ARIH1: variants seen among roughly 807,000 people sequenced by gnomAD.
ARIH1 encodes E3 ubiquitin-protein ligase ARIH1.
Under a neutral mutation model 85.0 loss-of-function variants are expected in ARIH1, and 8 were observed. The ratio of observed to expected loss-of-function variants is 0.09; its 90% CI spans 0.06 to 0.17. ARIH1 has a LOEUF of 0.17. Among genes scored for constraint, ARIH1 ranks in the 10% least tolerant of loss-of-function variants. The pLI, the probability that ARIH1 is intolerant of heterozygous loss-of-function variation, is 1.00. For synonymous variants in ARIH1, 238 were observed against 253.6 expected (o/e 0.94, Z 0.59); for missense variants, 311 against 718.1 (o/e 0.43, Z 6.48).
intron 2 of ARIH1, among the ~76,000 whole-genome samples, chr15:72,540,702 T>C (rs2064103313): frequency 6.6e-6 from 1 of 152,130 alleles, no homozygotes; most frequent in African/African-American, 2.4e-5. Context: ...TGTGCACGTA[T>C]AGTCCCACCT....
Position 72,600,162 on chromosome 15 carries a change from GT to G in ARIH1, c.*16871del, listed in dbSNP as rs775157020. On this transcript the variant is annotated 3_prime_UTR_variant, in exon 14 of 14. Transcript: ENST00000379887. ...CTCCTTGTTTATACATATATTGGGG[GT>G]GTTGAAAAGTTACCGATGCCTGATT... 7.2e-5 allele frequency: 11 copies of G among 152,148 alleles called. No homozygotes were observed. Among genetic ancestry groups the G allele is most frequent in the Non-Finnish European group, 1.6e-4 (11 of 68,032 alleles). 9.4% of individuals were successfully genotyped at this position (152,148 alleles called of 1,614,324 possible).
intron 2 of ARIH1, among the ~76,000 whole-genome samples, chr15:72,533,153 G>A (rs1567348993): frequency 6.6e-6 from 1 of 152,050 alleles, no homozygotes; most frequent in Non-Finnish European, 1.5e-5. Flanking sequence ...TTTTGAGATG[G>A]GGTCTTGCTC....
At chr15:72,575,699 G>A (rs1266008159) in intron 11 of ARIH1, among the ~76,000 whole-genome samples, 1 of 152,096 alleles carries the variant, frequency 6.6e-6, no homozygotes, top group South Asian at 2.1e-4. Context: ...TGGTAAGGGA[G>A]GGTTTTCATT....
rs2064365357 is a variant in ARIH1 at position 72,596,858 on chromosome 15, AT to A, written c.*13569del. The A allele has an allele frequency of 6.6e-6, 1 of 151,938 alleles. No homozygotes were observed. Among genetic ancestry groups the A allele is most frequent in the African/African-American group, 2.4e-5 (1 of 41,378 alleles). 9.4% of individuals were successfully genotyped at this position (151,938 alleles called of 1,614,324 possible). A position where few individuals can be genotyped will look rare whatever the true frequency, so the allele number is the denominator to read the frequency against. ...TGTATAGTTACAATTTTCTGCTGAA[AT>A]TTCCTATTTCTTCATGCATGTTTTC... On this transcript the variant is annotated 3_prime_UTR_variant, in exon 14 of 14. Coordinates refer to ENST00000379887, the MANE Select transcript of ARIH1 (RefSeq NM_005744.5).
chr15:72,572,380 GGT>G, intron 11 of ARIH1: 17 of 391,538 alleles, frequency 4.3e-5, no homozygotes, highest in South Asian at 7.8e-5. Context: ...TGGGATTACA[GGT>G]GCGCGCCACC....
At chr15:72,527,890 A>G (rs2064037575) in intron 2 of ARIH1, among the ~76,000 whole-genome samples, 1 of 152,216 alleles carries the variant, frequency 6.6e-6, no homozygotes, top group Admixed American at 6.5e-5. Context: ...ATTCCTACAC[A>G]TAACGCAGTT....
chr15:72,476,248 T>A (rs1475816802), intron 1 of ARIH1, among the ~76,000 whole-genome samples: 1 of 152,232 alleles, frequency 6.6e-6, no homozygotes, highest in Admixed American at 6.5e-5. Context: ...ACTGTTTCAA[T>A]ACAGTGTTTT....
chr15:72,508,153 CAG>C (rs2063934326), intron 1 of ARIH1, among the ~76,000 whole-genome samples: 1 of 152,140 alleles, frequency 6.6e-6, no homozygotes, highest in Admixed American at 6.5e-5. Flanking sequence ...CCAGAATGGA[CAG>C]GGGTGGGTGG....
At chr15:72,530,535 T>G (rs10438370) in intron 2 of ARIH1, among the ~76,000 whole-genome samples, 118,325 of 152,190 alleles carry the variant, frequency 0.78, 51,881 homozygotes, top group Non-Finnish European at 0.96. Context: ...CCCCCGTATA[T>G]AACAGAAACA....
At chr15:72,537,622 C>T (rs1277810585) in intron 2 of ARIH1, among the ~76,000 whole-genome samples, 1 of 151,970 alleles carries the variant, frequency 6.6e-6, no homozygotes. Context: ...TTAAGATATT[C>T]CTTTGCTCCT....
At chr15:72,540,732 G>A (rs908431170) in intron 2 of ARIH1, among the ~76,000 whole-genome samples, 8 of 152,150 alleles carry the variant, frequency 5.3e-5, no homozygotes, top group East Asian at 1.9e-4. Flanking sequence ...AAGGTGAGGC[G>A]AGAGGATCTC....
rs1316437223 is a variant in ARIH1, at chr15:72,594,808, C to A, written c.*11516C>A. 9.8e-5 allele frequency: 4 copies of A among 41,012 alleles called. No individual in the cohort carries two copies. Among genetic ancestry groups the A allele is most frequent in the Admixed American group, 2.9e-4 (1 of 3,446 alleles). 2.5% of individuals were successfully genotyped at this position (41,012 alleles called of 1,614,324 possible). Reference sequence around the variant, plus strand: ...TTCTTTTTCTGATTTTATGCCTTTTCTTCTTTTTTTTTTTTTTTTTTTTTT... The same window carrying A: ...TTCTTTTTCTGATTTTATGCCTTTTATTCTTTTTTTTTTTTTTTTTTTTTT... On this transcript the variant is annotated 3_prime_UTR_variant, in exon 14 of 14. Transcript: ENST00000379887.
chr15:72,494,053 C>T (rs75297950), intron 1 of ARIH1, among the ~76,000 whole-genome samples: 5,275 of 152,220 alleles, frequency 0.035, 165 homozygotes, highest in Admixed American at 0.081. Flanking sequence ...CTTCCCTAAC[C>T]TGATTTTTAT....
chr15:72,541,188 A>AT lies in ARIH1; in HGVS notation c.444-3628dup, dbSNP rs1302309099. ...TGAGCTACAGCTGTGAGGGTTTAGC[A>AT]TTTTCTTTGAAACATATGGCTAGTT... is the stretch of plus-strand genomic sequence containing the variant. On this transcript the variant is annotated intron_variant, in intron 2 of 13. Coordinates refer to ENST00000379887, the MANE Select transcript of ARIH1 (RefSeq NM_005744.5). 2.6e-5 allele frequency among the ~76,000 whole-genome samples: 4 copies of AT among 152,166 alleles called. 1 individual carries two copies. The highest frequency in any genetic ancestry group is 4.8e-5 in the African/African-American group (2 of 41,442).
chr15:72,475,139 T>G, intron 1 of ARIH1, 125 bp downstream of exon 1: 1 of 1,433,238 alleles, frequency 7.0e-7, no homozygotes, highest in Non-Finnish European at 9.2e-7. Flanking sequence ...CCCGGCCTTG[T>G]CTTCTCCGCT....
chr15:72,512,376 C>CT (rs1276048846), intron 1 of ARIH1, among the ~76,000 whole-genome samples: 2 of 151,950 alleles, frequency 1.3e-5, no homozygotes, highest in Non-Finnish European at 2.9e-5. Context: ...TAATTTGTGT[C>CT]TTTAAGAAGT....
chr15:72,525,693 C>T lies in ARIH1; in HGVS notation c.443+7559C>T, dbSNP rs2064024481. ...GAGAAGTGAAAAAAACCCACAGTGC[C>T]CAGTCCCTTTCCATTACTTCTTCCT... On this transcript the variant is annotated intron_variant, in intron 2 of 13. Transcript: ENST00000379887. Among the ~76,000 whole-genome samples, 4 of 152,170 alleles carry T rather than the reference C, an allele frequency of 2.6e-5. No individual in the cohort carries two copies. In the South Asian group the frequency reaches 8.3e-4, roughly 31 times the overall value.
At chr15:72,517,336 C>T (rs2063979630) in intron 1 of ARIH1, among the ~76,000 whole-genome samples, 1 of 152,154 alleles carries the variant, frequency 6.6e-6, no homozygotes, top group Admixed American at 6.5e-5. Context: ...ACTCTGGGGC[C>T]TGAGATCCTC....
chr15:72,528,501 A>G (rs2064040051), intron 2 of ARIH1, among the ~76,000 whole-genome samples: 2 of 152,164 alleles, frequency 1.3e-5, no homozygotes, highest in Non-Finnish European at 2.9e-5. Flanking sequence ...TTTTTCAGAA[A>G]CCTTGCCTTT....
Sources: gnomAD v4.1 joint callset for allele counts (sites outside exome capture counted in the v4.1 genomes callset) on GRCh38, gnomAD v4.1.1 for gene constraint, MANE v1.5 for transcripts, NCBI Gene and HGNC (gene_info 2026-07-23, HGNC 2026-07-21) for gene names.